The following PEX7 variants were observed in gnomAD, a reference collection of about 807,000 sequenced individuals.
PEX7 encodes peroxisomal biogenesis factor 7, also known as PTS2 receptor.
Under a neutral mutation model 47.5 loss-of-function variants are expected in PEX7, and 34 were observed. The observed-to-expected ratio is 0.72, with a 90% CI of 0.54 to 0.95. The LOEUF is 0.95. PEX7 is among the 40% of genes least tolerant of loss of function. PEX7 has a pLI of 0.00. For missense variants in PEX7, 394 were observed against 400.3 expected (o/e 0.98, Z 0.13); for synonymous variants, 141 against 148.8 (o/e 0.95, Z 0.38).
chr6:136,837,132 G>A (rs1229083392), intron 3 of PEX7, among the ~76,000 whole-genome samples: 2 of 152,114 alleles, frequency 1.3e-5, no homozygotes, highest in African/African-American at 4.8e-5. Flanking sequence ...AGGCTGAGGT[G>A]GGCGGATCAC....
At chr6:136,842,501 T>A (rs150351449) in intron 3 of PEX7, among the ~76,000 whole-genome samples, 27 of 152,274 alleles carry the variant, frequency 1.8e-4, no homozygotes, top group African/African-American at 6.3e-4. Flanking sequence ...TCCTGCAGTT[T>A]TAGAAGGTGA....
chr6:136,846,826 G>A (rs1774613510), intron 5 of PEX7, among the ~76,000 whole-genome samples: 1 of 152,174 alleles, frequency 6.6e-6, no homozygotes. Flanking sequence ...CTTTATAGCA[G>A]CATGATTTAT....
At chr6:136,857,287 A>G (rs1220446018) in intron 5 of PEX7, among the ~76,000 whole-genome samples, 1 of 152,256 alleles carries the variant, frequency 6.6e-6, no homozygotes. Context: ...CGAATGCCTT[A>G]CATAGCCAAA....
chr6:136,838,398 G>T (rs1562731431), intron 3 of PEX7, among the ~76,000 whole-genome samples: 1 of 152,164 alleles, frequency 6.6e-6, no homozygotes, highest in Admixed American at 6.5e-5. Flanking sequence ...CAATAACTTG[G>T]TTTTTTCAAC....
In PEX7 at chr6:136,822,628, C is replaced by G; in HGVS notation, c.-38C>G. On this transcript the variant is annotated 5_prime_UTR_variant, in exon 1 of 10. Coordinates refer to ENST00000318471, the MANE Select transcript of PEX7 (RefSeq NM_000288.4). ...TGTGCCTCCGACTCGGAACGGCTTCCGCGGCCGGGGCAGCGAGGGCCGGGG... is the reference window on the plus strand; with the variant it reads ...TGTGCCTCCGACTCGGAACGGCTTCGGCGGCCGGGGCAGCGAGGGCCGGGG... 6.6e-7 allele frequency: 1 copy of G among 1,518,088 alleles called. No individual in the cohort carries two copies. The highest frequency in any genetic ancestry group is 8.8e-7 in the Non-Finnish European group (1 of 1,135,028). 94.0% of individuals were successfully genotyped at this position (1,518,088 alleles called of 1,614,324 possible). A position where few individuals can be genotyped will look rare whatever the true frequency, so the allele number is the denominator to read the frequency against.
intron 3 of PEX7, among the ~76,000 whole-genome samples, chr6:136,833,767 A>G (rs1428366095): frequency 2.6e-5 from 4 of 152,180 alleles, no homozygotes; most frequent in Non-Finnish European, 5.9e-5. Context: ...TTAGGATGTG[A>G]TATGTCATCA....
intron 3 of PEX7, among the ~76,000 whole-genome samples, chr6:136,840,414 C>A (rs1448289160): frequency 6.6e-6 from 1 of 151,826 alleles, no homozygotes; most frequent in Non-Finnish European, 1.5e-5. Context: ...TGTATGCATC[C>A]CTAAGTCATG....
intron 8 of PEX7, among the ~76,000 whole-genome samples, chr6:136,875,979 T>G (rs1775263608): frequency 1.3e-5 from 2 of 152,178 alleles, no homozygotes; most frequent in Non-Finnish European, 2.9e-5. Context: ...GTGTTTACTT[T>G]CCAGATATGC....
intron 5 of PEX7, among the ~76,000 whole-genome samples, chr6:136,850,928 T>C (rs1422723146): frequency 6.9e-6 from 1 of 144,394 alleles, no homozygotes; most frequent in Non-Finnish European, 1.5e-5. Context: ...TTTTTTTTTT[T>C]TTTTTTTTTT....
intron 5 of PEX7, among the ~76,000 whole-genome samples, chr6:136,859,394 AG>A (rs1774917512): frequency 6.6e-6 from 1 of 152,124 alleles, no homozygotes; most frequent in Non-Finnish European, 1.5e-5. Flanking sequence ...ATTAATATGA[AG>A]TAAATTATCT....
intron 5 of PEX7, among the ~76,000 whole-genome samples, chr6:136,851,004 T>A (rs1435627082): frequency 1.4e-5 from 2 of 142,444 alleles, no homozygotes; most frequent in Non-Finnish European, 3.1e-5. Context: ...TTTAATTTTT[T>A]TTTTTTTTAT....
At chr6:136,873,035 T>C (rs535593487) in intron 8 of PEX7, among the ~76,000 whole-genome samples, 1 of 152,308 alleles carries the variant, frequency 6.6e-6, no homozygotes, top group East Asian at 1.9e-4. Context: ...TGTTATTCAC[T>C]TGAAACATGG....
At chr6:136,851,247 G>A (rs1295646604) in intron 5 of PEX7, among the ~76,000 whole-genome samples, 1 of 27,014 alleles carries the variant, frequency 3.7e-5, no homozygotes, top group Admixed American at 4.7e-4. Flanking sequence ...GAGAATATGC[G>A]GTGTTTGGTT....
intron 5 of PEX7, among the ~76,000 whole-genome samples, chr6:136,854,172 A>G (rs759125409): frequency 6.6e-6 from 1 of 152,140 alleles, no homozygotes; most frequent in Non-Finnish European, 1.5e-5. Context: ...ATTTACATGT[A>G]TAACTTGAGT....
chr6:136,895,134 C>T (rs760302082), intron 8 of PEX7, among the ~76,000 whole-genome samples: 7 of 152,132 alleles, frequency 4.6e-5, no homozygotes, highest in Non-Finnish European at 8.8e-5. Flanking sequence ...TTTCAACTCA[C>T]TCTTTCTGGC....
Position 136,913,713 on chromosome 6 carries a change from A to ACATAAG in PEX7, c.*189_*194dup. On this transcript the variant is annotated 3_prime_UTR_variant, in exon 10 of 10. Transcript: ENST00000318471. ...CTTTAGCTGACTCGTTAAGCCTGAT[A>ACATAAG]CATAAGCCATATTTAAAATTCTAAG... 1.7e-6 allele frequency: 1 copy of ACATAAG among 600,956 alleles called. No homozygotes were observed. Among genetic ancestry groups the ACATAAG allele is most frequent in the Admixed American group, 3.0e-5 (1 of 33,248 alleles). 37.2% of individuals were successfully genotyped at this position (600,956 alleles called of 1,614,324 possible). A position where few individuals can be genotyped will look rare whatever the true frequency, so the allele number is the denominator to read the frequency against.
chr6:136,913,302 C>T (rs1046066093), intron 9 of PEX7, among the ~76,000 whole-genome samples, 156 bp from the exon 10 acceptor site: 11 of 152,134 alleles, frequency 7.2e-5, no homozygotes, highest in Non-Finnish European at 1.3e-4. Flanking sequence ...GGAATATGGA[C>T]CTTTTATCAA....
chr6:136,913,707 C>T lies in PEX7; in HGVS notation c.*181C>T, dbSNP rs1775971494. The T allele has an allele frequency of 3.3e-6, 2 of 613,956 alleles. No homozygotes were observed. The highest frequency in any genetic ancestry group is 3.8e-5 in the South Asian group (2 of 51,956). 38.0% of individuals were successfully genotyped at this position (613,956 alleles called of 1,614,324 possible). ...TAAAGACTTTAGCTGACTCGTTAAG[C>T]CTGATACATAAGCCATATTTAAAAT... On this transcript the variant is annotated 3_prime_UTR_variant, in exon 10 of 10. Transcript: ENST00000318471.
chr6:136,827,585 TG>T, intron 3 of PEX7, among the ~76,000 whole-genome samples: 1 of 150,482 alleles, frequency 6.6e-6, no homozygotes, highest in South Asian at 2.1e-4. Flanking sequence ...TAGAGTGCAG[TG>T]GTGCAATCTT....
Sources: allele counts gnomAD v4.1 joint callset (sites outside exome capture counted in the v4.1 genomes callset), GRCh38; gene constraint gnomAD v4.1.1; transcripts MANE v1.5; gene names NCBI Gene and HGNC (gene_info 2026-07-23, HGNC 2026-07-21).